Variants in IFT56 observed in about 807,000 individuals in gnomAD.
IFT56 encodes the protein intraflagellar transport protein 56.
At chr7:139,139,784 ATG>A in the IFT56 span, 1 of 676,428 alleles carries the variant, frequency 1.5e-6, no homozygotes, top group South Asian at 2.0e-5. Context: ...GATTCCCTAA[ATG>A]TGAAGTTGCT....
the IFT56 span, among the ~76,000 whole-genome samples, chr7:139,154,197 A>T: frequency 6.6e-6 from 1 of 152,012 alleles, no homozygotes; most frequent in African/African-American, 2.4e-5. Flanking sequence ...TCTTTTTATT[A>T]TTGAGTTTCA....
the IFT56 span, among the ~76,000 whole-genome samples, chr7:139,167,763 A>AC: frequency 6.6e-6 from 1 of 151,952 alleles, no homozygotes; most frequent in Non-Finnish European, 1.5e-5. Flanking sequence ...ACATGGTGAA[A>AC]CCCCGTCTCT....
chr7:139,137,870 A>G, the IFT56 span: 2 of 1,613,544 alleles, frequency 1.2e-6, no homozygotes, highest in South Asian at 1.1e-5. Flanking sequence ...TTGGGGAAGA[A>G]GAAGAGGATA....
chr7:139,149,593 A>G, the IFT56 span, among the ~76,000 whole-genome samples: 1 of 152,038 alleles, frequency 6.6e-6, no homozygotes, highest in African/African-American at 2.4e-5. Context: ...TCCTGGAATG[A>G]CTTCCTTCTT....
chr7:139,182,891 A>G, the IFT56 span, among the ~76,000 whole-genome samples: 5 of 152,220 alleles, frequency 3.3e-5, no homozygotes, highest in Admixed American at 2.0e-4. Flanking sequence ...ATAGAAATGC[A>G]TGAGGACTGA....
the IFT56 span, among the ~76,000 whole-genome samples, chr7:139,188,758 A>G: frequency 1.7e-4 from 26 of 152,242 alleles, no homozygotes; most frequent in Non-Finnish European, 3.5e-4. Flanking sequence ...ATTACTTCAA[A>G]TATAAATGCT....
At chr7:139,163,128 A>C in the IFT56 span, among the ~76,000 whole-genome samples, 35 of 152,148 alleles carry the variant, frequency 2.3e-4, no homozygotes, top group Admixed American at 3.9e-4. Flanking sequence ...GCGGATCACG[A>C]GGTCAGGAGA....
the IFT56 span, among the ~76,000 whole-genome samples, chr7:139,177,793 C>A: frequency 6.6e-6 from 1 of 152,026 alleles, no homozygotes; most frequent in African/African-American, 2.4e-5. Flanking sequence ...AAAGTTGAAT[C>A]AGGATCAGAA....
chr7:139,177,611 A>ATAGTGTGTGTGTGTGT, the IFT56 span, among the ~76,000 whole-genome samples: 8 of 148,590 alleles, frequency 5.4e-5, no homozygotes, highest in Admixed American at 5.4e-4. Flanking sequence ...ATATATATAT[A>ATAGTGTGTGTGTGTGT]GTGTGTGTGT....
At chr7:139,186,378 T>C in the IFT56 span, among the ~76,000 whole-genome samples, 1 of 151,790 alleles carries the variant, frequency 6.6e-6, no homozygotes, top group African/African-American at 2.4e-5. Flanking sequence ...GTGAGTCATG[T>C]TGGCACCACT....
At chr7:139,135,851 C>A in the IFT56 span, among the ~76,000 whole-genome samples, 20 of 152,140 alleles carry the variant, frequency 1.3e-4, no homozygotes, top group Non-Finnish European at 2.1e-4. Context: ...TCTGAATCTA[C>A]CCTTAATAAT....
At chr7:139,187,646 G>T in the IFT56 span, 4 of 1,358,044 alleles carry the variant, frequency 2.9e-6, no homozygotes, top group South Asian at 1.5e-5. Flanking sequence ...TTATAATGAT[G>T]TTTTAGAATG....
At chr7:139,158,168 G>A in the IFT56 span, among the ~76,000 whole-genome samples, 1 of 151,854 alleles carries the variant, frequency 6.6e-6, no homozygotes, top group Non-Finnish European at 1.5e-5. Flanking sequence ...ACAAAAATTA[G>A]CCAGGCATGG....
chr7:139,158,515 G>C, the IFT56 span, among the ~76,000 whole-genome samples: 47 of 152,084 alleles, frequency 3.1e-4, no homozygotes, highest in Non-Finnish European at 6.6e-4. Flanking sequence ...GGTTTTATAA[G>C]GATCAGATGT....
At chr7:139,169,130 T>C in the IFT56 span, among the ~76,000 whole-genome samples, 1 of 152,228 alleles carries the variant, frequency 6.6e-6, no homozygotes, top group Non-Finnish European at 1.5e-5. Context: ...TAATTCAGTT[T>C]CGGGTCTAGT....
At chr7:139,141,909 G>T in the IFT56 span, among the ~76,000 whole-genome samples, 3 of 152,216 alleles carry the variant, frequency 2.0e-5, no homozygotes, top group Non-Finnish European at 4.4e-5. Context: ...ACATTGAGAT[G>T]ACCATGGGTG....
At chr7:139,179,354 T>A in the IFT56 span, among the ~76,000 whole-genome samples, 1 of 152,252 alleles carries the variant, frequency 6.6e-6, no homozygotes, top group Non-Finnish European at 1.5e-5. Flanking sequence ...TCTGTTTAAA[T>A]CTTCTATATC....
the IFT56 span, among the ~76,000 whole-genome samples, chr7:139,147,772 T>G: frequency 6.6e-6 from 1 of 152,142 alleles, no homozygotes; most frequent in African/African-American, 2.4e-5. Context: ...AGAATTTACA[T>G]TCCAACTTTA....
At chr7:139,148,631 G>GC in the IFT56 span, among the ~76,000 whole-genome samples, 1 of 152,154 alleles carries the variant, frequency 6.6e-6, no homozygotes, top group African/African-American at 2.4e-5. Flanking sequence ...AAAACCAAAT[G>GC]CTTATGTTTA....
Sources: allele counts gnomAD v4.1 joint callset (sites outside exome capture counted in the v4.1 genomes callset), GRCh38; gene constraint gnomAD v4.1.1; transcripts MANE v1.5; gene names NCBI Gene and HGNC (gene_info 2026-07-23, HGNC 2026-07-21).